Variants in ASIC2 observed in about 807,000 individuals in gnomAD.
ASIC2 encodes acid sensing ion channel subunit 2.
Under a neutral mutation model 57.3 loss-of-function variants are expected in ASIC2, and 25 were observed. The ratio of observed to expected loss-of-function variants is 0.44; its 90% CI spans 0.32 to 0.61. The LOEUF (loss-of-function observed/expected upper bound fraction) is 0.61, where lower values mean the gene tolerates loss of function less well. ASIC2 is among the 20% of genes least tolerant of loss of function. ASIC2 has a pLI of 0.06. For missense variants in ASIC2, 641 were observed against 738.1 expected (o/e 0.87, Z 1.52); for synonymous variants, 319 against 307.5 (o/e 1.04, Z -0.39).
chr17:33,860,415 C>A (rs1412933495), intron 1 of ASIC2, among the ~76,000 whole-genome samples: 1 of 152,214 alleles, frequency 6.6e-6, no homozygotes, highest in Non-Finnish European at 1.5e-5. Context: ...ACTGTCCTTT[C>A]CTCCTGGGGG....
rs1567792727 is a variant in ASIC2 at position 33,232,446 on chromosome 17, A to ATGGTATGGAATGGT, written c.708+58961_708+58962insACCATTCCATACCA. 8.3e-4 allele frequency among the ~76,000 whole-genome samples: 106 copies of ATGGTATGGAATGGT among 128,020 alleles called. 1 individual carries two copies. Among genetic ancestry groups the ATGGTATGGAATGGT allele is most frequent in the African/African-American group, 3.1e-3 (97 of 31,324 alleles). The allele number at this position is 128,020 out of a possible 152,430, so 84.0% of individuals were successfully genotyped here. A position where few individuals can be genotyped will look rare whatever the true frequency, so the allele number is the denominator to read the frequency against. ...TATGGTATGGTATGGTATGGTATGG[A>ATGGTATGGAATGGT]ATGGTATGGTATGGTATGGTATGGT... On this transcript the variant is annotated intron_variant, in intron 1 of 9. Coordinates refer to ENST00000225823, the MANE Select transcript of ASIC2 (RefSeq NM_183377.2).
At position 34,083,064 on chromosome 17, in the gene ASIC2, C is replaced by T. The variant is rs1403814515; in HGVS notation, c.555+72914G>A. On this transcript the variant is annotated intron_variant, in intron 1 of 9. Transcript: ENST00000359872. ...TACTTTAAGTTTTAGGGTACATGTGCACAATGTGCAGGTTAGTTACATATG... is the reference window on the plus strand; with the variant it reads ...TACTTTAAGTTTTAGGGTACATGTGTACAATGTGCAGGTTAGTTACATATG... Among the ~76,000 whole-genome samples, 3 of 151,534 alleles carry T rather than the reference C, an allele frequency of 2.0e-5. No individual in the cohort carries two copies. In the East Asian group the frequency reaches 5.8e-4, roughly 29 times the overall value.
intron 1 of ASIC2, among the ~76,000 whole-genome samples, chr17:34,089,315 A>G (rs1348692917): frequency 1.3e-5 from 2 of 152,216 alleles, no homozygotes; most frequent in African/African-American, 4.8e-5. Context: ...ACTATGACAC[A>G]TATGCACATG....
chr17:33,876,269 G>A (rs189999201), intron 1 of ASIC2, among the ~76,000 whole-genome samples: 5 of 152,298 alleles, frequency 3.3e-5, no homozygotes, highest in East Asian at 1.9e-4. Context: ...GAAGTTATGC[G>A]AAGAGAAGAG....
chr17:33,314,878 C>T (rs1906579550), intron 1 of ASIC2, among the ~76,000 whole-genome samples: 1 of 152,058 alleles, frequency 6.6e-6, no homozygotes. Context: ...TCTTCTTCTT[C>T]TTTTAATTAA....
chr17:33,810,342 A>C (rs1912383720), intron 1 of ASIC2, among the ~76,000 whole-genome samples: 1 of 152,180 alleles, frequency 6.6e-6, no homozygotes, highest in African/African-American at 2.4e-5. Context: ...TGCACATTAG[A>C]ATCATTTGGG....
chr17:33,613,282 C>T (rs534508837), intron 1 of ASIC2, among the ~76,000 whole-genome samples: 1 of 152,152 alleles, frequency 6.6e-6, no homozygotes, highest in South Asian at 2.1e-4. Flanking sequence ...TCTCCTCATT[C>T]CTCCAGTGCC....
At chr17:33,757,943 C>T (rs547347933) in intron 1 of ASIC2, among the ~76,000 whole-genome samples, 2 of 152,256 alleles carry the variant, frequency 1.3e-5, no homozygotes, top group East Asian at 1.9e-4. Flanking sequence ...GAAGCCTTTC[C>T]GTAAGCAAAA....
At chr17:33,598,725 A>G (rs1905047215) in intron 1 of ASIC2, among the ~76,000 whole-genome samples, 3 of 152,190 alleles carry the variant, frequency 2.0e-5, no homozygotes, top group African/African-American at 4.8e-5. Context: ...CTGAAATTTC[A>G]GTGTTCAGTG....
rs184075528 is a variant in ASIC2 at position 33,080,265 on chromosome 17, C to T, written c.987+8598G>A. On this transcript the variant is annotated intron_variant, in intron 3 of 9. Coordinates refer to ENST00000225823, the MANE Select transcript of ASIC2 (RefSeq NM_183377.2). ...AGGAGTGTCTCAGGGAGGGTGTGGT[C>T]CACAGTCCACATGCTGTTCAGAAAC... Among the ~76,000 whole-genome samples, 118 of 152,062 alleles carry T rather than the reference C, an allele frequency of 7.8e-4. 1 individual carries two copies. Among genetic ancestry groups the T allele is most frequent in the Non-Finnish European group, 3.8e-4 (26 of 67,978 alleles).
chr17:33,197,957 T>A (rs1377097415), intron 1 of ASIC2, among the ~76,000 whole-genome samples: 1 of 152,240 alleles, frequency 6.6e-6, no homozygotes, highest in Non-Finnish European at 1.5e-5. Context: ...ACTCTCGTCC[T>A]GGGCCTCACA....
At chr17:33,749,215 T>A (rs1000746094) in intron 1 of ASIC2, among the ~76,000 whole-genome samples, 1 of 152,132 alleles carries the variant, frequency 6.6e-6, no homozygotes, top group Middle Eastern at 3.4e-3. Flanking sequence ...CTTTCTGTCA[T>A]GCATGCTTCA....
At chr17:33,655,652 G>A (rs1367660589) in intron 1 of ASIC2, among the ~76,000 whole-genome samples, 1 of 152,118 alleles carries the variant, frequency 6.6e-6, no homozygotes. Context: ...AATCCATCCT[G>A]TTCAGATCTG....
At position 33,207,596 on chromosome 17, in the gene ASIC2, G is replaced by A. The variant is rs76261069; in HGVS notation, c.708+83812C>T. 1.5e-3 allele frequency among the ~76,000 whole-genome samples: 233 copies of A among 152,258 alleles called. 3 individuals carry two copies. In the East Asian group the frequency reaches 0.039, roughly 26 times the overall value. ...AAGAATGGCATGAAGCAATAAAAGCGGCTTGTAGCAGATGCTTTCAGTGTC... is the reference window on the plus strand; with the variant it reads ...AAGAATGGCATGAAGCAATAAAAGCAGCTTGTAGCAGATGCTTTCAGTGTC... On this transcript the variant is annotated intron_variant, in intron 1 of 9. Coordinates refer to ENST00000225823, the MANE Select transcript of ASIC2 (RefSeq NM_183377.2).
chr17:34,136,932 TA>T (rs1170312388), intron 1 of ASIC2, among the ~76,000 whole-genome samples: 1 of 152,224 alleles, frequency 6.6e-6, no homozygotes, highest in Non-Finnish European at 1.5e-5. Context: ...ACCTGTCTTG[TA>T]ACTTCATTGG....
At chr17:34,023,236 CCTTT>C (rs1447562730) in intron 1 of ASIC2, among the ~76,000 whole-genome samples, 1 of 152,084 alleles carries the variant, frequency 6.6e-6, no homozygotes, top group Non-Finnish European at 1.5e-5. Flanking sequence ...AACTCACTGA[CCTTT>C]CTCTTTCTTC....
intron 1 of ASIC2, among the ~76,000 whole-genome samples, chr17:33,705,349 T>C (rs1217339606): frequency 1.3e-5 from 2 of 152,202 alleles, no homozygotes; most frequent in African/African-American, 4.8e-5. Context: ...TTTTAAATGT[T>C]TGTGGTTGGC....
At chr17:33,919,502 A>G (rs1408463461) in intron 1 of ASIC2, among the ~76,000 whole-genome samples, 1 of 152,220 alleles carries the variant, frequency 6.6e-6, no homozygotes, top group Non-Finnish European at 1.5e-5. Flanking sequence ...CCTTTACCAT[A>G]TACAAAAATT....
intron 1 of ASIC2, among the ~76,000 whole-genome samples, chr17:33,497,942 A>G (rs1251000954): frequency 6.6e-6 from 1 of 152,220 alleles, no homozygotes; most frequent in East Asian, 1.9e-4. Context: ...TACTGGAATA[A>G]AAACAAGAGG....
Sources: allele counts gnomAD v4.1 joint callset (sites outside exome capture counted in the v4.1 genomes callset), GRCh38; gene constraint gnomAD v4.1.1; transcripts MANE v1.5; gene names NCBI Gene and HGNC (gene_info 2026-07-23, HGNC 2026-07-21).